The following FGF12 variants were observed in gnomAD, a reference collection of about 807,000 sequenced individuals.
FGF12 encodes fibroblast growth factor 12, also known as fibroblast growth factor 12B.
In FGF12, 14 loss-of-function variants were observed where a neutral mutation model predicts 23.6. The observed-to-expected ratio is 0.59, with a 90% confidence interval of 0.39 to 0.93. The LOEUF (loss-of-function observed/expected upper bound fraction) is 0.93. FGF12 is among the 40% of genes least tolerant of loss of function. The pLI is 0.00. For missense variants in FGF12, 175 were observed against 217.8 expected (o/e 0.80, Z 1.24); for synonymous variants, 62 against 77.3 (o/e 0.80, Z 1.04).
Position 192,255,549 on chromosome 3 carries a change from C to A in FGF12, c.228+79812G>T, listed in dbSNP as rs992421048. Among the ~76,000 whole-genome samples, 8 of 152,068 alleles carry A rather than the reference C, an allele frequency of 5.3e-5. No homozygotes were observed. In the South Asian group the frequency reaches 1.7e-3, roughly 32 times the overall value. On this transcript the variant is annotated intron_variant, in intron 4 of 5. Coordinates refer to ENST00000445105, the MANE Select transcript of FGF12 (RefSeq NM_004113.6). ...AAGTTTTCCAATCTATTCCAATTCA[C>A]GTTTGGTATAATAAAATAATTAGAT...
At chr3:192,662,662 GCAAGCTTTAAA>G (rs1716716792) in intron 2 of FGF12, among the ~76,000 whole-genome samples, 1 of 152,156 alleles carries the variant, frequency 6.6e-6, no homozygotes, top group Non-Finnish European at 1.5e-5. Context: ...TACAACTAAT[GCAAGCTTTAAA>G]CAGCTTCTTC....
At chr3:192,268,634 T>G (rs2108625447) in intron 4 of FGF12, 1 of 428,660 alleles carries the variant, frequency 2.3e-6, no homozygotes, top group South Asian at 1.7e-5. Context: ...TGCTCCTGAT[T>G]TTGCCATGTG....
At chr3:192,185,357 A>T (rs1716398412) in intron 4 of FGF12, among the ~76,000 whole-genome samples, 1 of 152,178 alleles carries the variant, frequency 6.6e-6, no homozygotes, top group Non-Finnish European at 1.5e-5. Flanking sequence ...ACTGTTTGTA[A>T]ATGAGCTAAT....
chr3:192,513,399 G>A lies in FGF12; in HGVS notation c.14-152861C>T, dbSNP rs533716082. The stretch of plus-strand genomic sequence containing the variant: ...TCGTTGCTGATTCCATTTTGAAAGT[G>A]TGTTCTGCAATTTCATAAATCAGTT... On this transcript the variant is annotated intron_variant, in intron 2 of 5. Transcript: ENST00000445105. Among the ~76,000 whole-genome samples the A allele has an allele frequency of 3.9e-5, 6 of 152,234 alleles. No individual in the cohort carries two copies. In the East Asian group the frequency reaches 1.2e-3, roughly 29 times the overall value.
intron 2 of FGF12, among the ~76,000 whole-genome samples, chr3:192,580,660 T>C (rs1713094831): frequency 6.6e-6 from 1 of 152,186 alleles, no homozygotes; most frequent in African/African-American, 2.4e-5. Flanking sequence ...CAGGCTGGAG[T>C]GCAGTGGCCC....
At chr3:192,669,602 T>TAAAAAAAAAAAAAAAAAAAAAAAAA (rs59897483) in intron 2 of FGF12, among the ~76,000 whole-genome samples, 4 of 59,526 alleles carry the variant, frequency 6.7e-5, no homozygotes, top group Non-Finnish European at 1.3e-4. Context: ...GACTCTGTCT[T>TAAAAAAAAAAAAAAAAAAAAAAAAA]AAAAAAAAAA....
At chr3:192,572,372 AG>A (rs1328612352) in intron 2 of FGF12, among the ~76,000 whole-genome samples, 1 of 152,194 alleles carries the variant, frequency 6.6e-6, no homozygotes, top group African/African-American at 2.4e-5. Flanking sequence ...GATCATGCAC[AG>A]CGTCAAGCTC....
At position 192,624,073 on chromosome 3, in the gene FGF12, TCC is replaced by T. The variant is rs1250449012; in HGVS notation, c.13+103106_13+103107del. ...CATTATGAGGCTCCGTGGTTTAAGT[TCC>T]TTTTTTCCATATTTTCTTTAGAGTT... is the stretch of plus-strand genomic sequence containing the variant. On this transcript the variant is annotated intron_variant, in intron 2 of 5. Transcript: ENST00000445105. Among the ~76,000 whole-genome samples the T allele has an allele frequency of 3.8e-4, 58 of 152,266 alleles. No homozygotes were observed. In the South Asian group the frequency reaches 0.01, roughly 27 times the overall value.
intron 4 of FGF12, among the ~76,000 whole-genome samples, chr3:192,274,252 C>T (rs893689299): frequency 3.3e-5 from 5 of 152,088 alleles, no homozygotes; most frequent in Non-Finnish European, 7.4e-5. Context: ...TCCACCAATA[C>T]AAGCATCTTT....
At chr3:192,156,361 TC>T (rs1714418407) in intron 5 of FGF12, among the ~76,000 whole-genome samples, 1 of 152,218 alleles carries the variant, frequency 6.6e-6, no homozygotes, top group Non-Finnish European at 1.5e-5. Context: ...TATGTCTCAC[TC>T]AGGACCTTGG....
chr3:192,353,497 G>A (rs1718321491), intron 3 of FGF12, among the ~76,000 whole-genome samples: 2 of 150,864 alleles, frequency 1.3e-5, no homozygotes, highest in South Asian at 4.2e-4. Flanking sequence ...AGCCTCCCGA[G>A]TAGCCAGGAC....
intron 2 of FGF12, among the ~76,000 whole-genome samples, chr3:192,376,896 C>A (rs1719538839): frequency 6.6e-6 from 1 of 152,114 alleles, no homozygotes; most frequent in Admixed American, 6.5e-5. Flanking sequence ...CTGAGATTTT[C>A]CTCAGAGAAA....
intron 2 of FGF12, among the ~76,000 whole-genome samples, chr3:192,463,933 C>T (rs910041102): frequency 2.0e-5 from 3 of 152,126 alleles, no homozygotes; most frequent in Non-Finnish European, 4.4e-5. Context: ...AACCCAAACC[C>T]GGCTCACTGG....
intron 2 of FGF12, among the ~76,000 whole-genome samples, chr3:192,445,554 C>T (rs1047718466): frequency 3.3e-5 from 5 of 152,152 alleles, no homozygotes; most frequent in African/African-American, 1.2e-4. Flanking sequence ...CCAAGAACAT[C>T]CTTATCCAGG....
intron 4 of FGF12, among the ~76,000 whole-genome samples, chr3:192,214,870 A>T (rs967272559): frequency 1.8e-4 from 27 of 152,354 alleles, no homozygotes; most frequent in African/African-American, 6.3e-4. Flanking sequence ...ATGTAGTTAC[A>T]TGAAAACAAT....
intron 4 of FGF12, among the ~76,000 whole-genome samples, chr3:192,175,416 AC>A (rs1226747907): frequency 1.3e-5 from 2 of 151,954 alleles, no homozygotes; most frequent in East Asian, 1.9e-4. Context: ...AAATAGAAAC[AC>A]CCCCGTGTTC....
At chr3:192,389,583 C>T (rs529449141) in intron 2 of FGF12, among the ~76,000 whole-genome samples, 4 of 152,060 alleles carry the variant, frequency 2.6e-5, no homozygotes, top group Non-Finnish European at 5.9e-5. Flanking sequence ...AAAAAGCAAA[C>T]AAAAATTTAG....
At chr3:192,570,185 A>G (rs1158632723) in intron 2 of FGF12, among the ~76,000 whole-genome samples, 2 of 152,224 alleles carry the variant, frequency 1.3e-5, no homozygotes, top group Non-Finnish European at 1.5e-5. Flanking sequence ...CAGGGATGTA[A>G]TACAAGCATC....
chr3:192,708,473 T>C (rs1262610723), intron 2 of FGF12, among the ~76,000 whole-genome samples: 1 of 152,196 alleles, frequency 6.6e-6, no homozygotes, highest in Non-Finnish European at 1.5e-5. Context: ...TAGTACTCAC[T>C]CAATTTACCT....
Sources: gnomAD v4.1 joint callset for allele counts (sites outside exome capture counted in the v4.1 genomes callset) on GRCh38, gnomAD v4.1.1 for gene constraint, MANE v1.5 for transcripts, NCBI Gene and HGNC (gene_info 2026-07-23, HGNC 2026-07-21) for gene names.